Variants in GK observed in about 807,000 individuals in gnomAD.
GK encodes the protein ATP:glycerol 3-phosphotransferase.
A neutral mutation model predicts 56.4 loss-of-function variants in GK; 9 were observed. The ratio of observed to expected loss-of-function variants is 0.16; its 90% confidence interval spans 0.10 to 0.28. GK has a LOEUF of 0.28. GK is among the 10% of genes least tolerant of loss of function. GK has a pLI of 1.00. For synonymous variants in GK, 104 were observed against 144.1 expected (o/e 0.72, Z 1.99); for missense variants, 161 against 431.4 (o/e 0.37, Z 5.55).
chrX:30,688,364 T>G (rs760733704), intron 4 of GK, among the ~76,000 whole-genome samples: 8 of 110,188 alleles, frequency 7.3e-5, no homozygotes, highest in Non-Finnish European at 1.3e-4. Context: ...TTTAAACATA[T>G]AATTGGAACA....
chrX:30,706,272 G>A (rs146202863), intron 11 of GK, among the ~76,000 whole-genome samples: 1,784 of 111,939 alleles, frequency 0.016, 25 homozygotes, highest in Middle Eastern at 0.037. Flanking sequence ...GAAAAATGTC[G>A]GAAAACAATT....
chrX:30,670,803 T>C (rs1464945453), intron 3 of GK, among the ~76,000 whole-genome samples: 14 of 109,151 alleles, frequency 1.3e-4, no homozygotes, highest in African/African-American at 3.7e-4. Flanking sequence ...GCCAACATGG[T>C]GAAACCCTGT....
chrX:30,707,906 C>A, intron 12 of GK, 148 bp from the exon 13 acceptor site: 1 of 465,978 alleles, frequency 2.1e-6, no homozygotes. Context: ...GTTCTTAATT[C>A]TGATCGTTTT....
At chrX:30,683,740 A>G (rs775341568) in intron 4 of GK, among the ~76,000 whole-genome samples, 1 of 112,676 alleles carries the variant, frequency 8.9e-6, no homozygotes, top group South Asian at 3.7e-4. Flanking sequence ...TATGTGATTA[A>G]TAAGGTAAAC....
intron 11 of GK, among the ~76,000 whole-genome samples, chrX:30,706,451 G>A (rs1467752660): frequency 9.0e-6 from 1 of 111,607 alleles, no homozygotes; most frequent in Admixed American, 9.5e-5. Flanking sequence ...AACCCTGGTG[G>A]TGCAGGGCAC....
chrX:30,702,763 G>A (rs767680987), intron 11 of GK, among the ~76,000 whole-genome samples: 1 of 112,550 alleles, frequency 8.9e-6, no homozygotes, highest in East Asian at 2.8e-4. Flanking sequence ...TTATCTCATC[G>A]ATTTTAACTT....
chrX:30,688,333 C>T (rs1025577065), intron 4 of GK, among the ~76,000 whole-genome samples: 4 of 110,174 alleles, frequency 3.6e-5, no homozygotes, highest in African/African-American at 9.9e-5. Context: ...ATCTGATTAT[C>T]GGGGGGGTTC....
intron 6 of GK, among the ~76,000 whole-genome samples, chrX:30,694,856 A>T (rs978798689): frequency 8.9e-6 from 1 of 111,956 alleles, no homozygotes; most frequent in African/African-American, 3.2e-5. Flanking sequence ...CCCACTAGCC[A>T]TGTCTTAGAC....
At chrX:30,695,198 C>A in intron 6 of GK, 1 of 880,296 alleles carries the variant, frequency 1.1e-6, no homozygotes, top group Non-Finnish European at 1.5e-6. Context: ...CCCACTCTCA[C>A]TTGACAGATC....
chrX:30,701,045 T>A, intron 11 of GK, 140 bp downstream of exon 11: 1 of 484,379 alleles, frequency 2.1e-6, no homozygotes, highest in Non-Finnish European at 3.7e-6. Flanking sequence ...ATACACTTTT[T>A]ACCATTTTTT....
At position 30,684,761 on chromosome X, in the gene GK, G is replaced by C. The variant is rs774938950; in HGVS notation, c.338-6362G>C. 3.0e-5 allele frequency among the ~76,000 whole-genome samples: 3 copies of C among 100,517 alleles called. No individual in the cohort carries two copies. In the South Asian group the frequency reaches 1.4e-3, roughly 46 times the overall value. The allele number at this position is 100,517 out of a possible 115,157, so 87.3% of individuals were successfully genotyped here. On this transcript the variant is annotated intron_variant, in intron 4 of 20. Coordinates refer to ENST00000427190, the MANE Select transcript of GK (RefSeq NM_001205019.2). ...GGCTTAACACTTTTAGGATATTAAAGAAAACCACCCACAAAAAATATTTCG... is the reference window on the plus strand; with the variant it reads ...GGCTTAACACTTTTAGGATATTAAACAAAACCACCCACAAAAAATATTTCG...
intron 3 of GK, among the ~76,000 whole-genome samples, chrX:30,669,960 G>A (rs778249363): frequency 2.7e-5 from 3 of 112,301 alleles, no homozygotes; most frequent in African/African-American, 6.5e-5. Flanking sequence ...TTTTTTAAAA[G>A]TATAATTTGA....
Position 30,695,567 on chromosome X carries a change from A to G in GK, c.553-475A>G, listed in dbSNP as rs745798691. Among the ~76,000 whole-genome samples the G allele has an allele frequency of 2.7e-5, 3 of 112,788 alleles. No individual in the cohort carries two copies. In the Admixed American group the frequency reaches 2.8e-4, roughly 11 times the overall value. ...AAGTTTAAAACTCTCCTTTCAGGATATATGCTTAGGTGAGTGTAGATAGCA... is the reference window on the plus strand; with the variant it reads ...AAGTTTAAAACTCTCCTTTCAGGATGTATGCTTAGGTGAGTGTAGATAGCA... On this transcript the variant is annotated intron_variant, in intron 6 of 20. Coordinates refer to ENST00000427190, the MANE Select transcript of GK (RefSeq NM_001205019.2).
In GK at chrX:30,678,035, A is replaced by T. The variant is rs778966666; in HGVS notation, c.337+583A>T. Reference sequence around the variant, plus strand: ...GTGAATGTTTGCCAAATTGTTTTATAACCCCTGCTGTTTGTGACATCTAAA... The same window carrying T: ...GTGAATGTTTGCCAAATTGTTTTATTACCCCTGCTGTTTGTGACATCTAAA... On this transcript the variant is annotated intron_variant, in intron 4 of 20. Transcript: ENST00000427190. The T allele has an allele frequency of 1.7e-5, 9 of 545,097 alleles. No individual in the cohort carries two copies. The South Asian group carries it at 1.9e-4, about 12-fold the overall frequency. The allele number at this position is 545,097 out of a possible 1,213,427, so 44.9% of individuals were successfully genotyped here.
rs1456495289 is a variant in GK at position 30,729,865 on chromosome X, T to G, written c.*1123T>G. On this transcript the variant is annotated 3_prime_UTR_variant, in exon 21 of 21. Coordinates refer to ENST00000427190, the MANE Select transcript of GK (RefSeq NM_001205019.2). ...CTTTTGAATTAATTTTAGACATATTTTGGATCCTATTGAGGGGATAAGAGG... is the reference window on the plus strand; with the variant it reads ...CTTTTGAATTAATTTTAGACATATTGTGGATCCTATTGAGGGGATAAGAGG... The G allele has an allele frequency of 8.9e-6, 1 of 112,330 alleles. No homozygotes were observed. The highest frequency in any genetic ancestry group is 1.9e-5 in the Non-Finnish European group (1 of 53,135). The allele number at this position is 112,330 out of a possible 1,213,427, so 9.3% of individuals were successfully genotyped here.
At chrX:30,710,368 A>G (rs1936254798) in intron 13 of GK, among the ~76,000 whole-genome samples, 1 of 111,976 alleles carries the variant, frequency 8.9e-6, no homozygotes, top group Non-Finnish European at 1.9e-5. Context: ...TCTCAGCAAC[A>G]ACAACAACAC....
rs765376349 is a variant in GK at position 30,720,461 on chromosome X, G to C, written c.1237-160G>C. Among the ~76,000 whole-genome samples the C allele has an allele frequency of 2.2e-4, 25 of 112,130 alleles. 1 individual carries two copies. Among genetic ancestry groups the C allele is most frequent in the Admixed American group, 2.1e-3 (22 of 10,563 alleles). ...GGTGTAGTGAGAGAAAAGGTTGGCT[G>C]TGACCAGATCAAAGAGGGCTTAGAA... On this transcript the variant is annotated intron_variant, in intron 16 of 20. Transcript: ENST00000427190.
Position 30,691,196 on chromosome X carries a change from C to G in GK, c.411C>G (p.Val137=). Residue 137 remains valine (V), a synonymous_variant, in exon 5 of 21, where the codon GTC becomes GTG. Coordinates refer to ENST00000427190, the MANE Select transcript of GK (RefSeq NM_001205019.2). The part of the protein sequence containing the change: ...SKRIPGNNNF[V]KSKTGLPLST... ...GAATTCCAGGAAATAATAACTTTGT[C>G]AAGGTAAGAATTTCTTCAGAAGTAT... 1 of 1,076,604 alleles carries G rather than the reference C, an allele frequency of 9.3e-7. No individual in the cohort carries two copies. Among genetic ancestry groups the G allele is most frequent in the Non-Finnish European group, 1.3e-6 (1 of 774,985 alleles). 88.7% of individuals were successfully genotyped at this position (1,076,604 alleles called of 1,213,427 possible).
At chrX:30,670,960 G>A (rs1431522276) in intron 3 of GK, among the ~76,000 whole-genome samples, 1 of 108,455 alleles carries the variant, frequency 9.2e-6, no homozygotes, top group Non-Finnish European at 1.9e-5. Context: ...TCCAGCCTGG[G>A]CAACAGAACA....
Sources: allele counts gnomAD v4.1 joint callset (sites outside exome capture counted in the v4.1 genomes callset), GRCh38; gene constraint gnomAD v4.1.1; transcripts MANE v1.5; gene names NCBI Gene and HGNC (gene_info 2026-07-23, HGNC 2026-07-21).